Variants in PAK5 observed in about 807,000 individuals in gnomAD.
PAK5 encodes the protein serine/threonine-protein kinase PAK 5.
Under a neutral mutation model 65.9 loss-of-function variants are expected in PAK5, and 16 were observed. The observed-to-expected ratio is 0.24, with a 90% CI of 0.16 to 0.37. The LOEUF (loss-of-function observed/expected upper bound fraction) is 0.37. PAK5 is among the 10% of genes least tolerant of loss of function. The pLI is 1.00. For missense variants in PAK5, 785 were observed against 903.9 expected (o/e 0.87, Z 1.69); for synonymous variants, 371 against 354.9 (o/e 1.05, Z -0.51).
chr20:9,716,666 T>C lies in PAK5; in HGVS notation c.-161-5231A>G, dbSNP rs149101579. Among the ~76,000 whole-genome samples the C allele has an allele frequency of 1.6e-4, 24 of 152,314 alleles. No homozygotes were observed. The East Asian group carries it at 4.4e-3, about 28-fold the overall frequency. Reference sequence around the variant, plus strand: ...AAATATTAGATATCATAAAATTACTTTAAGACATTCTCAAATCATCACTAA... The same window carrying C: ...AAATATTAGATATCATAAAATTACTCTAAGACATTCTCAAATCATCACTAA... On this transcript the variant is annotated intron_variant, in intron 1 of 9. Transcript: ENST00000353224.
intron 3 of PAK5, among the ~76,000 whole-genome samples, chr20:9,589,993 A>AT (rs575790709): frequency 1.9e-4 from 28 of 149,098 alleles, no homozygotes; most frequent in South Asian, 6.4e-4. Context: ...TATATTACAA[A>AT]TTTTTTTTTT....
At chr20:9,573,459 T>C (rs1013364190) in intron 4 of PAK5, among the ~76,000 whole-genome samples, 2 of 152,188 alleles carry the variant, frequency 1.3e-5, no homozygotes, top group Non-Finnish European at 2.9e-5. Flanking sequence ...CAGCTATCAA[T>C]TGCTCCGATT....
intron 2 of PAK5, among the ~76,000 whole-genome samples, chr20:9,667,353 T>TCATCTGTTCCCACCAAGGTCTACATA (rs1555910875): frequency 4.0e-5 from 4 of 101,182 alleles, no homozygotes; most frequent in African/African-American, 9.2e-5. Context: ...GAGTTATGCT[T>TCATCTGTTCCCACCAAGGTCTACATA]TGCCAGTCTG....
chr20:9,562,679 G>A (rs1354050938), intron 6 of PAK5, among the ~76,000 whole-genome samples: 1 of 152,178 alleles, frequency 6.6e-6, no homozygotes, highest in African/African-American at 2.4e-5. Flanking sequence ...GGGTATTAAT[G>A]TCCTTCTGAG....
At chr20:9,828,287 A>C (rs529340118) in intron 1 of PAK5, among the ~76,000 whole-genome samples, 1 of 152,336 alleles carries the variant, frequency 6.6e-6, no homozygotes, top group South Asian at 2.1e-4. Flanking sequence ...AGGCGTGAAT[A>C]ACTATTATTC....
chr20:9,819,396 C>T (rs190997646), intron 1 of PAK5, among the ~76,000 whole-genome samples: 122 of 152,172 alleles, frequency 8.0e-4, no homozygotes, highest in African/African-American at 2.8e-3. Flanking sequence ...TCTTTGGTAA[C>T]TTATAGTTCA....
At chr20:9,701,133 G>C (rs545501846) in intron 2 of PAK5, among the ~76,000 whole-genome samples, 1 of 152,172 alleles carries the variant, frequency 6.6e-6, no homozygotes, top group Admixed American at 6.5e-5. Flanking sequence ...ACCCTGCTCC[G>C]CCCTTTGACG....
chr20:9,599,466 C>T (rs1350035287), intron 3 of PAK5, among the ~76,000 whole-genome samples: 1 of 152,226 alleles, frequency 6.6e-6, no homozygotes, highest in Non-Finnish European at 1.5e-5. Context: ...GTATTCCCAT[C>T]AGCACTGCAT....
intron 2 of PAK5, among the ~76,000 whole-genome samples, chr20:9,704,637 C>T (rs963515923): frequency 3.9e-5 from 6 of 151,994 alleles, no homozygotes; most frequent in Non-Finnish European, 8.8e-5. Context: ...GTTCAGTTTC[C>T]CTAGGACACT....
chr20:9,567,919 G>A (rs2045709425), intron 4 of PAK5, among the ~76,000 whole-genome samples: 2 of 152,212 alleles, frequency 1.3e-5, no homozygotes, highest in Admixed American at 6.5e-5. Context: ...TGGAGCAGAA[G>A]CCTGGCTGAG....
chr20:9,577,153 T>C (rs975740317), intron 4 of PAK5, among the ~76,000 whole-genome samples: 6 of 149,132 alleles, frequency 4.0e-5, no homozygotes, highest in African/African-American at 1.6e-4. Context: ...ATGGTTTTTG[T>C]TTGGCTTTGC....
At chr20:9,760,043 T>C (rs1347448879) in intron 1 of PAK5, among the ~76,000 whole-genome samples, 1 of 152,190 alleles carries the variant, frequency 6.6e-6, no homozygotes, top group Non-Finnish European at 1.5e-5. Flanking sequence ...AGTGTGTAAA[T>C]ATTTGTAATT....
intron 3 of PAK5, among the ~76,000 whole-genome samples, chr20:9,642,406 C>T (rs2047081280): frequency 6.6e-6 from 1 of 152,018 alleles, no homozygotes; most frequent in South Asian, 2.1e-4. Flanking sequence ...GTTTCTTATC[C>T]AATGATAATG....
At chr20:9,689,914 G>T (rs903398869) in intron 2 of PAK5, among the ~76,000 whole-genome samples, 1 of 152,270 alleles carries the variant, frequency 6.6e-6, no homozygotes, top group Non-Finnish European at 1.5e-5. Context: ...AAGCAGGCCT[G>T]CAGGCATCAG....
intron 2 of PAK5, among the ~76,000 whole-genome samples, chr20:9,645,604 A>C (rs910913614): frequency 3.4e-5 from 5 of 146,940 alleles, no homozygotes; most frequent in African/African-American, 1.0e-4. Flanking sequence ...TTTTTTTTTG[A>C]GACAGAGTAT....
intron 5 of PAK5, among the ~76,000 whole-genome samples, chr20:9,563,874 A>G (rs186803915): frequency 1.9e-4 from 29 of 152,296 alleles, no homozygotes; most frequent in African/African-American, 6.7e-4. Context: ...GGAGCTGGAG[A>G]TGTGTGGAGG....
At chr20:9,647,688 C>T (rs1234065450) in intron 2 of PAK5, among the ~76,000 whole-genome samples, 1 of 152,162 alleles carries the variant, frequency 6.6e-6, no homozygotes, top group Non-Finnish European at 1.5e-5. Context: ...TGATACAGCA[C>T]AACTATAATT....
chr20:9,553,274 G>T (rs2045457882), intron 7 of PAK5, among the ~76,000 whole-genome samples: 1 of 152,194 alleles, frequency 6.6e-6, no homozygotes, highest in African/African-American at 2.4e-5. Context: ...GGGAAGGCTA[G>T]TTACCCGGTG....
intron 7 of PAK5, among the ~76,000 whole-genome samples, chr20:9,546,806 G>A (rs1370793221): frequency 6.6e-6 from 1 of 152,194 alleles, no homozygotes; most frequent in Non-Finnish European, 1.5e-5. Context: ...GGAATACAGA[G>A]AGCAGTCAGG....
Sources: allele counts gnomAD v4.1 joint callset (sites outside exome capture counted in the v4.1 genomes callset), GRCh38; gene constraint gnomAD v4.1.1; transcripts MANE v1.5; gene names NCBI Gene and HGNC (gene_info 2026-07-23, HGNC 2026-07-21).